The following SLIT2 variants were observed in gnomAD, a reference collection of about 807,000 sequenced individuals.
SLIT2 encodes the protein slit guidance ligand 2.
SLIT2 carries 41 observed loss-of-function variants against 185.7 expected under a neutral mutation model. The ratio of observed to expected loss-of-function variants is 0.22; its 90% CI spans 0.17 to 0.29. The LOEUF (loss-of-function observed/expected upper bound fraction) is 0.29, where lower values mean the gene tolerates loss of function less well. SLIT2 is among the 10% of genes least tolerant of loss of function. The probability of loss-of-function intolerance (pLI) is 1.00; values close to 1 mark genes in which losing one functional copy is unlikely to be tolerated. For missense variants in SLIT2, 1,571 were observed against 1,909.0 expected (o/e 0.82, Z 3.30); for synonymous variants, 693 against 680.2 (o/e 1.02, Z -0.29).
At chr4:20,275,772 A>C (rs1357098500) in intron 4 of SLIT2, among the ~76,000 whole-genome samples, 1 of 152,318 alleles carries the variant, frequency 6.6e-6, no homozygotes, top group Admixed American at 6.5e-5. Flanking sequence ...ATTCATCTAT[A>C]AAATAAATTA....
intron 4 of SLIT2, among the ~76,000 whole-genome samples, chr4:20,440,615 C>T (rs573422345): frequency 6.6e-6 from 1 of 152,244 alleles, no homozygotes; most frequent in East Asian, 1.9e-4. Context: ...CTGAAATAAT[C>T]TCATCTGTTT....
At chr4:20,560,419 T>C (rs1724602119) in intron 26 of SLIT2, among the ~76,000 whole-genome samples, 1 of 151,884 alleles carries the variant, frequency 6.6e-6, no homozygotes, top group Non-Finnish European at 1.5e-5. Flanking sequence ...CAGGAAGAAA[T>C]TGATTATCAG....
rs1454822036 is a variant in SLIT2 at position 20,608,629 on chromosome 4, T to A, written c.3693-1384T>A. ...CCACCTAAACAGAAAGAATGTCAAGTGTTTTCACAATTCTGCAGAGTGATT... is the reference window on the plus strand; with the variant it reads ...CCACCTAAACAGAAAGAATGTCAAGAGTTTTCACAATTCTGCAGAGTGATT... On this transcript the variant is annotated intron_variant, in intron 33 of 36. Transcript: ENST00000504154. Among the ~76,000 whole-genome samples the A allele has an allele frequency of 3.9e-5, 6 of 152,268 alleles. No homozygotes were observed. In the East Asian group the frequency reaches 1.2e-3, roughly 29 times the overall value.
chr4:20,600,662 ATCCGTCCATTTCATAT>A (rs1728342584), intron 33 of SLIT2, among the ~76,000 whole-genome samples: 1 of 151,754 alleles, frequency 6.6e-6, no homozygotes, highest in African/African-American at 2.4e-5. Context: ...CAACCTCGTG[ATCCGTCCATTTCATAT>A]TCTTTATTAG....
intron 21 of SLIT2, among the ~76,000 whole-genome samples, chr4:20,544,924 A>T (rs1159901173): frequency 6.6e-6 from 1 of 152,100 alleles, no homozygotes. Context: ...AAAAAAATGG[A>T]GAGGGGTCGA....
At chr4:20,588,168 T>TA (rs1160398993) in intron 29 of SLIT2, among the ~76,000 whole-genome samples, 1 of 152,226 alleles carries the variant, frequency 6.6e-6, no homozygotes, top group Non-Finnish European at 1.5e-5. Flanking sequence ...CATATGTTGC[T>TA]AAAAATCTTT....
chr4:20,351,094 G>T (rs1721833965), intron 4 of SLIT2, among the ~76,000 whole-genome samples: 1 of 151,046 alleles, frequency 6.6e-6, no homozygotes, highest in Non-Finnish European at 1.5e-5. Context: ...TGTTGCCCAG[G>T]CTGAAGTGCA....
chr4:20,281,439 G>A (rs1446277275), intron 4 of SLIT2, among the ~76,000 whole-genome samples: 1 of 152,192 alleles, frequency 6.6e-6, no homozygotes. Flanking sequence ...GAAATGCATT[G>A]TGCACCCGGG....
At chr4:20,490,021 G>C (rs1376328380) in intron 8 of SLIT2, 2 of 152,322 alleles carry the variant, frequency 1.3e-5, no homozygotes, top group Non-Finnish European at 2.9e-5. Flanking sequence ...CCCGGAGGTG[G>C]AGCTTGCAGT....
At chr4:20,419,070 C>T (rs760921676) in intron 4 of SLIT2, among the ~76,000 whole-genome samples, 5 of 152,160 alleles carry the variant, frequency 3.3e-5, no homozygotes, top group Non-Finnish European at 7.3e-5. Context: ...TTGTGACTCA[C>T]AATGTTGCTC....
chr4:20,606,182 A>C (rs1728785590), intron 33 of SLIT2, among the ~76,000 whole-genome samples: 1 of 152,164 alleles, frequency 6.6e-6, no homozygotes, highest in African/African-American at 2.4e-5. Context: ...TTTAGGTCCC[A>C]TGTGTAAAAT....
Position 20,254,005 on chromosome 4 carries a change from G to T in SLIT2, c.179+11G>T, listed in dbSNP as rs750706115. On this transcript the variant is annotated intron_variant, in intron 1 of 36. Transcript: ENST00000504154. The surrounding 1 kb of genome is among the most constrained non-coding windows in gnomAD (Gnocchi z 5.1). ...CAACACCGAGAGACTGTGAGTATGC[G>T]CTCTTCGTCTTCCCCTCTCCCCATC... The T allele has an allele frequency of 3.8e-6, 6 of 1,597,180 alleles. No homozygotes were observed. Among genetic ancestry groups the T allele is most frequent in the Non-Finnish European group, 5.1e-6 (6 of 1,175,994 alleles).
intron 29 of SLIT2, among the ~76,000 whole-genome samples, chr4:20,581,434 A>G (rs1315203575): frequency 6.6e-6 from 1 of 152,140 alleles, no homozygotes; most frequent in African/African-American, 2.4e-5. Flanking sequence ...CCTCAACACC[A>G]CATCACTGTA....
At chr4:20,542,238 A>G (rs1047458030) in intron 20 of SLIT2, among the ~76,000 whole-genome samples, 4 of 152,080 alleles carry the variant, frequency 2.6e-5, no homozygotes, top group Non-Finnish European at 4.4e-5. Flanking sequence ...ACAAATAACT[A>G]TTTTCCATTG....
intron 29 of SLIT2, among the ~76,000 whole-genome samples, chr4:20,581,059 G>A (rs1726521951): frequency 6.6e-6 from 1 of 152,182 alleles, no homozygotes; most frequent in Admixed American, 6.5e-5. Context: ...TGTTTTGCTA[G>A]GGCTGCCATA....
At chr4:20,575,617 C>T (rs557107789) in intron 29 of SLIT2, among the ~76,000 whole-genome samples, 2 of 152,276 alleles carry the variant, frequency 1.3e-5, no homozygotes, top group South Asian at 4.2e-4. Flanking sequence ...TTGCTGCCTC[C>T]TTCCAGGCAC....
At chr4:20,617,276 A>T in intron 35 of SLIT2, 78 bp downstream of exon 35, 1 of 597,288 alleles carries the variant, frequency 1.7e-6, no homozygotes, top group Non-Finnish European at 2.7e-6. Context: ...GGAAAGAAGA[A>T]GGGGAGGGGA....
intron 4 of SLIT2, among the ~76,000 whole-genome samples, chr4:20,453,854 C>T (rs1712752851): frequency 6.6e-6 from 1 of 152,076 alleles, no homozygotes. Flanking sequence ...TTTATTATGC[C>T]CGTTTTACAC....
At chr4:20,310,419 A>G (rs1319403776) in intron 4 of SLIT2, among the ~76,000 whole-genome samples, 1 of 152,160 alleles carries the variant, frequency 6.6e-6, no homozygotes, top group African/African-American at 2.4e-5. Context: ...TGCAGTTCAT[A>G]GCACCATCAT....
Sources: gnomAD v4.1 joint callset for allele counts (sites outside exome capture counted in the v4.1 genomes callset) on GRCh38, gnomAD v4.1.1 for gene constraint, Gnocchi (gnomAD v3.1) non-coding constraint, MANE v1.5 for transcripts, NCBI Gene and HGNC (gene_info 2026-07-23, HGNC 2026-07-21) for gene names.